Variants in SYT1 observed in about 807,000 individuals in gnomAD.
SYT1 encodes the protein synaptotagmin 1, also known as synaptotagmin-1.
A neutral mutation model predicts 44.8 loss-of-function variants in SYT1; 8 were observed. The ratio of observed to expected loss-of-function variants is 0.18; its 90% CI spans 0.10 to 0.32. SYT1 has a LOEUF of 0.32. SYT1 is among the 10% of genes least tolerant of loss of function. The pLI is 1.00. For missense variants in SYT1, 286 were observed against 509.3 expected (o/e 0.56, Z 4.22); for synonymous variants, 154 against 188.8 (o/e 0.82, Z 1.51).
At chr12:78,891,516 T>C (rs1275724934) in intron 1 of SYT1, among the ~76,000 whole-genome samples, 1 of 151,872 alleles carries the variant, frequency 6.6e-6, no homozygotes. Context: ...AAGGAAAATA[T>C]CTGGAACAAA....
intron 2 of SYT1, among the ~76,000 whole-genome samples, chr12:78,994,981 A>G (rs1041626501): frequency 6.6e-6 from 1 of 152,080 alleles, no homozygotes; most frequent in African/African-American, 2.4e-5. Context: ...CCCAGTCTAT[A>G]TGCTGAGTAA....
intron 3 of SYT1, among the ~76,000 whole-genome samples, chr12:79,122,492 C>G (rs1421464219): frequency 9.6e-6 from 1 of 103,900 alleles, no homozygotes; most frequent in Admixed American, 1.5e-4. Context: ...CCAGCCTGGG[C>G]GACAGAGCGA....
intron 9 of SYT1, among the ~76,000 whole-genome samples, chr12:79,374,084 C>G (rs559021812): frequency 3.3e-5 from 5 of 152,160 alleles, no homozygotes; most frequent in Non-Finnish European, 5.9e-5. Context: ...CCCACGGTGG[C>G]GCTTCCATGC....
At chr12:79,019,016 C>A (rs1161050339) in intron 2 of SYT1, among the ~76,000 whole-genome samples, 1 of 151,956 alleles carries the variant, frequency 6.6e-6, no homozygotes, top group Non-Finnish European at 1.5e-5. Context: ...TCGTCAAATT[C>A]CTATTGAAAG....
chr12:78,868,698 T>G (rs773642579), intron 1 of SYT1: 1 of 151,884 alleles, frequency 6.6e-6, no homozygotes, highest in Non-Finnish European at 1.5e-5. Flanking sequence ...GCTATTCATG[T>G]ACAAAGTACC....
At chr12:79,261,482 G>A (rs1277601337) in intron 4 of SYT1, among the ~76,000 whole-genome samples, 1 of 151,990 alleles carries the variant, frequency 6.6e-6, no homozygotes, top group East Asian at 1.9e-4. Context: ...AGATTGCATT[G>A]GTCCAATTTT....
intron 10 of SYT1, among the ~76,000 whole-genome samples, chr12:79,448,618 TAAAC>T (rs963247705): frequency 2.0e-5 from 3 of 152,160 alleles, no homozygotes; most frequent in African/African-American, 7.2e-5. Context: ...ACTCATTCCT[TAAAC>T]AACCTCAGAC....
intron 2 of SYT1, among the ~76,000 whole-genome samples, chr12:79,001,262 A>T (rs890164999): frequency 2.7e-4 from 28 of 104,452 alleles, no homozygotes; most frequent in East Asian, 1.2e-3. Flanking sequence ...ATTTCTTTTA[A>T]AAAAAAAAAA....
At chr12:79,042,207 C>A (rs1467378881) in intron 2 of SYT1, among the ~76,000 whole-genome samples, 1 of 151,882 alleles carries the variant, frequency 6.6e-6, no homozygotes, top group Non-Finnish European at 1.5e-5. Flanking sequence ...ATGGTACCAG[C>A]TCCTCCTTAT....
intron 2 of SYT1, among the ~76,000 whole-genome samples, chr12:79,045,371 G>A (rs1002006357): frequency 1.3e-5 from 2 of 152,210 alleles, no homozygotes; most frequent in Non-Finnish European, 2.9e-5. Context: ...TCGGGAGGGA[G>A]TGACCCGATT....
intron 8 of SYT1, among the ~76,000 whole-genome samples, chr12:79,301,766 A>C (rs1201079584): frequency 6.6e-6 from 1 of 152,064 alleles, no homozygotes; most frequent in Admixed American, 6.6e-5. Context: ...GGAGTTATTA[A>C]TGGGAAATAT....
At chr12:78,923,661 T>G (rs1877132461) in intron 1 of SYT1, among the ~76,000 whole-genome samples, 1 of 151,822 alleles carries the variant, frequency 6.6e-6, no homozygotes, top group Non-Finnish European at 1.5e-5. Flanking sequence ...CTCCAAAGGT[T>G]TCTGAACTCT....
intron 1 of SYT1, among the ~76,000 whole-genome samples, chr12:78,944,342 AG>A (rs1878543407): frequency 6.6e-6 from 1 of 151,800 alleles, no homozygotes; most frequent in Admixed American, 6.6e-5. Context: ...ATAAAGGCTT[AG>A]TAAAAGATGA....
intron 1 of SYT1, among the ~76,000 whole-genome samples, chr12:78,871,480 C>T (rs1222544307): frequency 6.6e-6 from 1 of 151,968 alleles, no homozygotes; most frequent in Non-Finnish European, 1.5e-5. Flanking sequence ...AAACAGTGGA[C>T]ATGGTCCTTG....
chr12:78,997,053 G>A (rs867839750), intron 2 of SYT1, among the ~76,000 whole-genome samples: 1 of 152,172 alleles, frequency 6.6e-6, no homozygotes. Flanking sequence ...TCAGCAGCAG[G>A]AGTATGGTCT....
intron 3 of SYT1, among the ~76,000 whole-genome samples, chr12:79,169,347 T>C (rs1871380585): frequency 6.6e-6 from 1 of 150,538 alleles, no homozygotes; most frequent in Admixed American, 6.6e-5. Context: ...ATGCATGACT[T>C]ACAAAAGTAT....
At chr12:79,356,363 CTG>C (rs1883112920) in intron 9 of SYT1, among the ~76,000 whole-genome samples, 1 of 151,956 alleles carries the variant, frequency 6.6e-6, no homozygotes, top group East Asian at 2.0e-4. Context: ...TCTCACTAGA[CTG>C]TGTTCTGTAT....
intron 8 of SYT1, among the ~76,000 whole-genome samples, chr12:79,330,527 A>T (rs940695657): frequency 2.6e-5 from 4 of 152,224 alleles, no homozygotes; most frequent in African/African-American, 9.6e-5. Flanking sequence ...ACATTAGGAA[A>T]ATTACCTCAC....
intron 8 of SYT1, among the ~76,000 whole-genome samples, chr12:79,309,179 T>TG (rs1409363953): frequency 1.3e-5 from 2 of 152,176 alleles, no homozygotes; most frequent in African/African-American, 2.4e-5. Context: ...GGTGTTCCTG[T>TG]GGGGGCACTT....
Sources: allele counts gnomAD v4.1 joint callset (sites outside exome capture counted in the v4.1 genomes callset), GRCh38; gene constraint gnomAD v4.1.1; transcripts MANE v1.5; gene names NCBI Gene and HGNC (gene_info 2026-07-23, HGNC 2026-07-21).